Variants in LAMA1 observed in about 807,000 individuals in gnomAD.
LAMA1 encodes the protein laminin subunit alpha-1.
Under a neutral mutation model 348.7 loss-of-function variants are expected in LAMA1, and 219 were observed. The observed-to-expected ratio is 0.63, with a 90% CI of 0.56 to 0.70. The LOEUF is 0.70. Among genes scored for constraint, LAMA1 ranks in the 30% least tolerant of loss-of-function variants. The pLI is 0.00. For synonymous variants in LAMA1, 1,487 were observed against 1,491.0 expected (o/e 1.00, Z 0.06); for missense variants, 3,744 against 3,888.0 (o/e 0.96, Z 0.99).
In LAMA1 at chr18:6,983,222, G is replaced by A. The variant is rs1297073827; in HGVS notation, c.5673C>T (p.Asn1891=). 1.9e-6 allele frequency: 3 copies of A among 1,614,160 alleles called. No homozygotes were observed. The highest frequency in any genetic ancestry group is 1.7e-5 in the Admixed American group (1 of 60,034). The part of the protein sequence containing the change: ...LADVLYSGLE[N]IRNVSLNATS... ...TGGCATTCAGGGACACATTTCTGAT[G>A]TTTTCAAGGCCACTATCAAAGCAGC... The change falls in exon 40 of 63, where the codon AAC becomes AAT. Residue 1891 remains asparagine (N), a synonymous_variant. Coordinates refer to ENST00000389658, the MANE Select transcript of LAMA1 (RefSeq NM_005559.4).
chr18:7,003,466 G>A (rs1221722719), intron 29 of LAMA1, among the ~76,000 whole-genome samples: 2 of 152,002 alleles, frequency 1.3e-5, no homozygotes, highest in Admixed American at 1.3e-4. Context: ...CACTGTGTTA[G>A]CCAGGATGGT....
intron 1 of LAMA1, among the ~76,000 whole-genome samples, chr18:7,086,845 T>C (rs2058219543): frequency 6.6e-6 from 1 of 152,162 alleles, no homozygotes; most frequent in African/African-American, 2.4e-5. Context: ...TAAATGAGTA[T>C]CTCTATGAGT....
At chr18:7,035,001 A>G (rs2057987995) in intron 13 of LAMA1, among the ~76,000 whole-genome samples, 1 of 152,238 alleles carries the variant, frequency 6.6e-6, no homozygotes, top group South Asian at 2.1e-4. Context: ...TCTAATCTTT[A>G]ACTAAAGTAC....
At chr18:7,007,996 G>A (rs188772414) in intron 28 of LAMA1, among the ~76,000 whole-genome samples, 310 of 152,036 alleles carry the variant, frequency 2.0e-3, no homozygotes, top group African/African-American at 7.3e-3. Flanking sequence ...GCAATGGCAC[G>A]ATCTCGGCTC....
rs1324319222 is a variant in LAMA1, at chr18:6,980,640, A to G, written c.5891-3T>C. On this transcript the variant is annotated splice_region_variant and splice_polypyrimidine_tract_variant and intron_variant, in intron 41 of 62. Coordinates refer to ENST00000389658, the MANE Select transcript of LAMA1 (RefSeq NM_005559.4). ...TTCACTCAGTTCCAATGCAATACCT[A>G]TTTAAAGGGAGAAAAATGTTTCCTT... 6 of 1,558,186 alleles carry G rather than the reference A, an allele frequency of 3.9e-6. No individual in the cohort carries two copies. The highest frequency in any genetic ancestry group is 5.3e-6 in the Non-Finnish European group (6 of 1,130,184).
In LAMA1 at chr18:6,976,262, A is replaced by G. The variant is rs112784526; in HGVS notation, c.6346-182T>C. ...GATGGTAACAAAAATGATTTCATTA[A>G]GTGTTTAAATATGAGAAAATCAGTG... On this transcript the variant is annotated intron_variant, in intron 44 of 62. Coordinates refer to ENST00000389658, the MANE Select transcript of LAMA1 (RefSeq NM_005559.4). 2.0e-5 allele frequency among the ~76,000 whole-genome samples: 3 copies of G among 152,332 alleles called. No homozygotes were observed. The Middle Eastern group carries it at 0.01, about 518-fold the overall frequency.
rs1430316325 is a variant in LAMA1 at position 7,023,526 on chromosome 18, T to C, written c.2490-151A>G. 5.5e-6 allele frequency: 4 copies of C among 723,870 alleles called. No individual in the cohort carries two copies. The African/African-American group carries it at 7.0e-5, about 13-fold the overall frequency. The allele number at this position is 723,870 out of a possible 1,614,324, so 44.8% of individuals were successfully genotyped here. On this transcript the variant is annotated intron_variant, in intron 18 of 62. Transcript: ENST00000389658. ...GGGATATGACTCCCCACTCGGGCAT[T>C]CCCAGATCTCCTTCACCTGTCGCGG... is the stretch of plus-strand genomic sequence containing the variant.
intron 17 of LAMA1, 91 bp from the exon 18 acceptor site, chr18:7,024,557 C>T: frequency 9.7e-7 from 1 of 1,027,268 alleles, no homozygotes; most frequent in Non-Finnish European, 1.5e-6. Flanking sequence ...TACTCCTGTG[C>T]TTCCAGACCT....
intron 16 of LAMA1, among the ~76,000 whole-genome samples, chr18:7,028,352 T>A (rs2057953786): frequency 1.3e-5 from 2 of 152,004 alleles, no homozygotes; most frequent in South Asian, 4.1e-4. Flanking sequence ...GTCAAAGTGT[T>A]CAAACCCAGG....
intron 60 of LAMA1, among the ~76,000 whole-genome samples, chr18:6,947,976 A>C (rs1357053167): frequency 6.6e-6 from 1 of 152,226 alleles, no homozygotes; most frequent in East Asian, 1.9e-4. Flanking sequence ...AAGGAAGCAC[A>C]GAGTGAACGA....
rs192758529 is a variant in LAMA1 at position 7,033,681 on chromosome 18, T to A, written c.2052-586A>T. 5.5e-4 allele frequency among the ~76,000 whole-genome samples: 84 copies of A among 152,160 alleles called. 1 individual carries two copies. Among genetic ancestry groups the A allele is most frequent in the African/African-American group, 1.9e-3 (77 of 41,524 alleles). On this transcript the variant is annotated intron_variant, in intron 14 of 62. Coordinates refer to ENST00000389658, the MANE Select transcript of LAMA1 (RefSeq NM_005559.4). ...TCAGAAAAATTAATCCATTCAATTATCACAAATAGAAAGATTACCCTTAAA... is the reference window on the plus strand; with the variant it reads ...TCAGAAAAATTAATCCATTCAATTAACACAAATAGAAAGATTACCCTTAAA...
At position 7,023,156 on chromosome 18, in the gene LAMA1, G is replaced by T; in HGVS notation, c.2701+8C>A. 5 of 1,610,836 alleles carry T rather than the reference G, an allele frequency of 3.1e-6. No individual in the cohort carries two copies. Among genetic ancestry groups the T allele is most frequent in the Non-Finnish European group, 4.2e-6 (5 of 1,179,242 alleles). The stretch of plus-strand genomic sequence containing the variant: ...ACAGCTGACCTGACTTCACGCTCAC[G>T]CACTCACCGCGGCAGTTCTTGGCTG... On this transcript the variant is annotated splice_region_variant and intron_variant, in intron 19 of 62. Transcript: ENST00000389658.
chr18:7,015,629 T>C, intron 22 of LAMA1, 93 bp downstream of exon 22: 4 of 1,461,704 alleles, frequency 2.7e-6, no homozygotes, highest in Non-Finnish European at 3.8e-6. Context: ...ATTCAACAGA[T>C]TAAAGTCCAG....
chr18:6,956,823 C>T, intron 55 of LAMA1, 58 bp from the exon 56 acceptor site: 1 of 1,567,036 alleles, frequency 6.4e-7, no homozygotes, highest in South Asian at 1.1e-5. Context: ...AGTCCATGAA[C>T]CCAAGTCATC....
rs770606915 is a variant in LAMA1 at position 7,066,844 on chromosome 18, A to T, written c.345+13131T>A. On this transcript the variant is annotated intron_variant, in intron 3 of 62. Transcript: ENST00000389658. ...AATAAGGCAATAAAGATCACATTTT[A>T]AAAAATTTAAGCATTTAACCAAATA... Among the ~76,000 whole-genome samples the T allele has an allele frequency of 7.6e-4, 116 of 152,346 alleles. 1 individual carries two copies. The highest frequency in any genetic ancestry group is 2.7e-3 in the African/African-American group (112 of 41,570).
intron 3 of LAMA1, among the ~76,000 whole-genome samples, chr18:7,077,610 G>A (rs775443689): frequency 2.6e-4 from 39 of 152,102 alleles, no homozygotes; most frequent in Non-Finnish European, 1.9e-4. Flanking sequence ...AGTCAAGCAT[G>A]ACAAATTTCA....
At chr18:6,962,607 G>A (rs1334801610) in intron 51 of LAMA1, among the ~76,000 whole-genome samples, 1 of 152,190 alleles carries the variant, frequency 6.6e-6, no homozygotes, top group Admixed American at 6.5e-5. Flanking sequence ...TGGCTACTTG[G>A]ATGGCTACCT....
intron 29 of LAMA1, among the ~76,000 whole-genome samples, chr18:7,003,866 A>G (rs1455433458): frequency 3.9e-5 from 6 of 152,200 alleles, no homozygotes; most frequent in Non-Finnish European, 8.8e-5. Context: ...TTAAAGTTCT[A>G]TTCCTATTTT....
intron 1 of LAMA1, among the ~76,000 whole-genome samples, chr18:7,109,918 T>A (rs906729776): frequency 2.0e-5 from 3 of 152,130 alleles, no homozygotes; most frequent in Non-Finnish European, 4.4e-5. Context: ...GTGCGGTGGC[T>A]CACGCCTGTA....
Sources: allele counts gnomAD v4.1 joint callset (sites outside exome capture counted in the v4.1 genomes callset), GRCh38; gene constraint gnomAD v4.1.1; transcripts MANE v1.5; gene names NCBI Gene and HGNC (gene_info 2026-07-23, HGNC 2026-07-21).